The following MECOM variants were observed in gnomAD, a reference collection of about 807,000 sequenced individuals.
MECOM encodes the protein histone-lysine N-methyltransferase MECOM.
MECOM carries 13 observed loss-of-function variants against 116.3 expected under a neutral mutation model. That is an observed-to-expected ratio of 0.11 (90% CI 0.07 to 0.18). The LOEUF (loss-of-function observed/expected upper bound fraction) is 0.18, where lower values mean the gene tolerates loss of function less well. Among genes scored for constraint, MECOM ranks in the 10% least tolerant of loss-of-function variants. The probability of loss-of-function intolerance (pLI) is 1.00; values close to 1 mark genes in which losing one functional copy is unlikely to be tolerated. For missense variants in MECOM, 1,299 were observed against 1,509.0 expected (o/e 0.86, Z 2.31); for synonymous variants, 528 against 535.2 (o/e 0.99, Z 0.19).
rs1398474879 is a variant in MECOM at position 169,622,494 on chromosome 3, C to T, written c.37+40842G>A. Reference sequence around the variant, plus strand: ...AAGACCCCACTTACTTTGGGTCACACGCTGCAAAGAGAATATTTTCAGAGT... The same window carrying T: ...AAGACCCCACTTACTTTGGGTCACATGCTGCAAAGAGAATATTTTCAGAGT... On this transcript the variant is annotated intron_variant, in intron 1 of 16. Coordinates refer to ENST00000651503, the MANE Select transcript of MECOM (RefSeq NM_004991.4). Among the ~76,000 whole-genome samples, 5 of 152,224 alleles carry T rather than the reference C, an allele frequency of 3.3e-5. No individual in the cohort carries two copies. In the South Asian group the frequency reaches 6.2e-4, roughly 19 times the overall value.
chr3:169,489,990 T>C (rs1752885419), intron 1 of MECOM, among the ~76,000 whole-genome samples: 1 of 152,090 alleles, frequency 6.6e-6, no homozygotes, highest in African/African-American at 2.4e-5. Context: ...GCAATGTATG[T>C]AAGCAACAAA....
intron 1 of MECOM, among the ~76,000 whole-genome samples, chr3:169,506,900 C>T (rs1170109193): frequency 6.6e-6 from 1 of 152,208 alleles, no homozygotes; most frequent in Non-Finnish European, 1.5e-5. Flanking sequence ...TCTTCTCCCT[C>T]TTTTCTAAGT....
At chr3:169,284,568 AGC>A (rs1009919902) in intron 2 of MECOM, among the ~76,000 whole-genome samples, 4 of 150,382 alleles carry the variant, frequency 2.7e-5, no homozygotes, top group African/African-American at 9.9e-5. Context: ...AAAGTATATG[AGC>A]GCACACACAC....
At chr3:169,350,685 C>A (rs1048257886) in intron 2 of MECOM, among the ~76,000 whole-genome samples, 1 of 151,878 alleles carries the variant, frequency 6.6e-6, no homozygotes, top group Non-Finnish European at 1.5e-5. Context: ...TTAAATTATA[C>A]CTTTTTTTTA....
intron 1 of MECOM, among the ~76,000 whole-genome samples, chr3:169,517,063 G>A (rs2109058121): frequency 6.6e-6 from 1 of 152,242 alleles, no homozygotes; most frequent in South Asian, 2.1e-4. Context: ...TAATATTATA[G>A]ATGAAATCCA....
chr3:169,115,257 A>T (rs1176095542), intron 8 of MECOM, 126 bp downstream of exon 8: 9 of 1,053,786 alleles, frequency 8.5e-6, no homozygotes, highest in Non-Finnish European at 1.2e-5. Context: ...AGTTCACTAG[A>T]TCAAACAACT....
chr3:169,364,362 A>G (rs1342638270), intron 2 of MECOM, among the ~76,000 whole-genome samples: 1 of 152,012 alleles, frequency 6.6e-6, no homozygotes, highest in Admixed American at 6.6e-5. Context: ...ACTTACAGGA[A>G]AAGTCTGATA....
chr3:169,358,147 C>G (rs761814897), intron 2 of MECOM, among the ~76,000 whole-genome samples: 16 of 151,738 alleles, frequency 1.1e-4, no homozygotes, highest in Non-Finnish European at 2.1e-4. Context: ...GACTATTTCT[C>G]ACTTTTCTTC....
chr3:169,360,909 A>G (rs1385595301), intron 2 of MECOM, among the ~76,000 whole-genome samples: 1 of 151,790 alleles, frequency 6.6e-6, no homozygotes, highest in South Asian at 2.1e-4. Flanking sequence ...AAGCATGCGG[A>G]TCTTCCCCTA....
At chr3:169,554,500 C>T (rs1337682413) in intron 1 of MECOM, among the ~76,000 whole-genome samples, 1 of 152,194 alleles carries the variant, frequency 6.6e-6, no homozygotes, top group East Asian at 1.9e-4. Flanking sequence ...ATTCTCTTTA[C>T]TTTCAGCGTA....
At position 169,110,519 on chromosome 3, in the gene MECOM, A is replaced by G. The variant is rs570785165; in HGVS notation, c.2577+2268T>C. 5.9e-5 allele frequency among the ~76,000 whole-genome samples: 9 copies of G among 152,286 alleles called. No individual in the cohort carries two copies. The South Asian group carries it at 1.9e-3, about 32-fold the overall frequency. ...AGCATGACACAAGAAAACAGCCATG[A>G]TATTTATAAAAACAATGAAATATTT... On this transcript the variant is annotated intron_variant, in intron 9 of 16. Transcript: ENST00000651503.
chr3:169,395,101 G>T (rs531419375), intron 1 of MECOM, among the ~76,000 whole-genome samples: 74 of 152,246 alleles, frequency 4.9e-4, no homozygotes, highest in Middle Eastern at 3.4e-3. Context: ...TAAATATTTG[G>T]TGAGTCACAA....
At chr3:169,250,905 T>C (rs189589700) in intron 2 of MECOM, among the ~76,000 whole-genome samples, 2 of 152,206 alleles carry the variant, frequency 1.3e-5, no homozygotes, top group African/African-American at 4.8e-5. Context: ...ATAGAGTAAA[T>C]GTTTCCACTT....
intron 2 of MECOM, among the ~76,000 whole-genome samples, chr3:169,236,592 G>T (rs16853355): frequency 0.041 from 6,305 of 152,102 alleles, 165 homozygotes; most frequent in African/African-American, 0.066. Flanking sequence ...CTGACAAAAA[G>T]AAAAGCCTAG....
At chr3:169,619,257 T>C (rs546836318) in intron 1 of MECOM, among the ~76,000 whole-genome samples, 44 of 152,278 alleles carry the variant, frequency 2.9e-4, no homozygotes, top group African/African-American at 9.9e-4. Context: ...TTAGTGCCGC[T>C]GTGCTGAGAA....
At chr3:169,363,684 A>G (rs928209621) in intron 2 of MECOM, among the ~76,000 whole-genome samples, 1 of 151,948 alleles carries the variant, frequency 6.6e-6, no homozygotes, top group African/African-American at 2.4e-5. Context: ...GTCAGAATTA[A>G]AAGTCAGCCT....
chr3:169,414,285 G>T (rs1738147473), intron 1 of MECOM, among the ~76,000 whole-genome samples: 1 of 152,150 alleles, frequency 6.6e-6, no homozygotes, highest in Non-Finnish European at 1.5e-5. Flanking sequence ...CAGCAGACCT[G>T]CAGACGAGGA....
intron 2 of MECOM, among the ~76,000 whole-genome samples, chr3:169,305,397 T>C (rs1207165311): frequency 6.6e-6 from 1 of 152,138 alleles, no homozygotes; most frequent in Non-Finnish European, 1.5e-5. Flanking sequence ...TAATAAATGA[T>C]TGCCTAATTG....
intron 1 of MECOM, among the ~76,000 whole-genome samples, chr3:169,596,865 T>A (rs1767207206): frequency 6.6e-6 from 1 of 152,264 alleles, no homozygotes; most frequent in Non-Finnish European, 1.5e-5. Flanking sequence ...CTTTTGTGAC[T>A]ATATTTTATG....
Sources: allele counts gnomAD v4.1 joint callset (sites outside exome capture counted in the v4.1 genomes callset), GRCh38; gene constraint gnomAD v4.1.1; transcripts MANE v1.5; gene names NCBI Gene and HGNC (gene_info 2026-07-23, HGNC 2026-07-21).